The following SIPA1L3 variants were observed in gnomAD, a reference collection of about 807,000 sequenced individuals.
The protein encoded by SIPA1L3 is signal induced proliferation associated 1 like 3, also known as signal-induced proliferation-associated 1-like protein 3.
In SIPA1L3, 59 loss-of-function variants were observed where a neutral mutation model predicts 150.1. The observed-to-expected ratio is 0.39, with a 90% CI of 0.32 to 0.49. The LOEUF is 0.49. Among genes scored for constraint, SIPA1L3 ranks in the 20% least tolerant of loss-of-function variants. The probability of loss-of-function intolerance (pLI) is 0.86; values close to 1 mark genes in which losing one functional copy is unlikely to be tolerated. For synonymous variants in SIPA1L3, 1,070 were observed against 1,077.6 expected (o/e 0.99, Z 0.14); for missense variants, 2,211 against 2,489.5 (o/e 0.89, Z 2.38).
chr19:38,183,790 GGAGGTGCGGAGGCGGA>G (rs1041805773), intron 16 of SIPA1L3, among the ~76,000 whole-genome samples: 3 of 151,950 alleles, frequency 2.0e-5, no homozygotes, highest in Non-Finnish European at 2.9e-5. Flanking sequence ...GGGAAGGCGG[GGAGGTGCGGAGGCGGA>G]GAGGTGCGGA....
At chr19:38,100,526 A>G (rs1970477335) in intron 5 of SIPA1L3, among the ~76,000 whole-genome samples, 1 of 152,202 alleles carries the variant, frequency 6.6e-6, no homozygotes, top group African/African-American at 2.4e-5. Context: ...TGCAGACCCC[A>G]GCAGGCTGAC....
intron 2 of SIPA1L3, among the ~76,000 whole-genome samples, chr19:38,070,271 G>A (rs994349281): frequency 1.3e-5 from 2 of 151,662 alleles, no homozygotes; most frequent in Non-Finnish European, 2.9e-5. Flanking sequence ...GTGCAGTGGC[G>A]TGATCACAGC....
chr19:38,100,265 A>C (rs1970471868), intron 5 of SIPA1L3, 115 bp downstream of exon 5: 2 of 816,198 alleles, frequency 2.5e-6, no homozygotes, highest in Non-Finnish European at 3.6e-6. Flanking sequence ...ACAGAAACCT[A>C]CTTAAGCTGG....
chr19:38,112,343 A>C (rs1970783754), intron 8 of SIPA1L3, among the ~76,000 whole-genome samples: 1 of 152,176 alleles, frequency 6.6e-6, no homozygotes, highest in African/African-American at 2.4e-5. Flanking sequence ...AAAAGGAGGC[A>C]GCCTTCTTAT....
chr19:37,911,657 G>A (rs962208643), intron 1 of SIPA1L3, among the ~76,000 whole-genome samples: 6 of 151,412 alleles, frequency 4.0e-5, no homozygotes, highest in Non-Finnish European at 8.8e-5. Context: ...GACTACAGGC[G>A]CCCGCCACCA....
chr19:38,135,868 G>T (rs1321829613), intron 10 of SIPA1L3, among the ~76,000 whole-genome samples: 1 of 151,944 alleles, frequency 6.6e-6, no homozygotes, highest in Non-Finnish European at 1.5e-5. Context: ...ATGCAACCCT[G>T]GCTCAAATGT....
chr19:38,019,600 G>A (rs1018741900), intron 1 of SIPA1L3, among the ~76,000 whole-genome samples: 1 of 152,166 alleles, frequency 6.6e-6, no homozygotes, highest in Non-Finnish European at 1.5e-5. Flanking sequence ...AACTGGAGTT[G>A]ATACATTTCC....
rs1239708645 is a variant in SIPA1L3, at chr19:37,975,328, A to G, written c.-378-53761A>G. On this transcript the variant is annotated intron_variant, in intron 1 of 21. Transcript: ENST00000222345. ...AGGGCTTCCCGAGGAGGCACCGTGT[A>G]GGCCGAGCCTAGAGCTGAATGGTGG... Among the ~76,000 whole-genome samples the G allele has an allele frequency of 3.3e-5, 5 of 152,188 alleles. No homozygotes were observed. The East Asian group carries it at 9.7e-4, about 29-fold the overall frequency.
intron 1 of SIPA1L3, among the ~76,000 whole-genome samples, chr19:37,965,877 G>GT (rs2046899928): frequency 6.6e-6 from 1 of 152,132 alleles, no homozygotes; most frequent in Admixed American, 6.5e-5. Flanking sequence ...AGCGTTCTGT[G>GT]TTTGGGCATT....
intron 4 of SIPA1L3, among the ~76,000 whole-genome samples, chr19:38,092,176 G>A (rs1970274644): frequency 2.6e-5 from 4 of 151,964 alleles, no homozygotes; most frequent in African/African-American, 9.7e-5. Flanking sequence ...GAAGCCTGGA[G>A]TTCAAGACCA....
chr19:38,104,451 C>G (rs768418047), intron 6 of SIPA1L3, among the ~76,000 whole-genome samples: 2 of 152,202 alleles, frequency 1.3e-5, no homozygotes, highest in Non-Finnish European at 2.9e-5. Flanking sequence ...CCCTCTGTGC[C>G]GAGTGCTTCC....
chr19:38,199,802 G>A (rs1600207966), intron 19 of SIPA1L3: 1 of 152,182 alleles, frequency 6.6e-6, no homozygotes, highest in African/African-American at 2.4e-5. Flanking sequence ...AAGACTAAAG[G>A]AATTCTCATT....
At chr19:38,092,728 C>G (rs1568545993) in intron 4 of SIPA1L3, among the ~76,000 whole-genome samples, 1 of 152,132 alleles carries the variant, frequency 6.6e-6, no homozygotes, top group Non-Finnish European at 1.5e-5. Flanking sequence ...GCTCGTGAGA[C>G]TGGGTGTTTG....
chr19:38,027,943 C>T (rs1049717525), intron 1 of SIPA1L3, among the ~76,000 whole-genome samples: 1 of 151,976 alleles, frequency 6.6e-6, no homozygotes, highest in South Asian at 2.1e-4. Flanking sequence ...CTTGGGTGAT[C>T]GGGAGAGTGA....
chr19:37,987,174 C>T (rs1264661113), intron 1 of SIPA1L3, among the ~76,000 whole-genome samples: 3 of 152,070 alleles, frequency 2.0e-5, no homozygotes, highest in African/African-American at 7.2e-5. Flanking sequence ...GTGATCCACC[C>T]GCCTCAGCCT....
chr19:38,176,414 T>G (rs1223614834), intron 15 of SIPA1L3, among the ~76,000 whole-genome samples: 2 of 151,996 alleles, frequency 1.3e-5, no homozygotes, highest in African/African-American at 4.8e-5. Context: ...TTTTGTTTTT[T>G]TTGAGTGATG....
intron 4 of SIPA1L3, among the ~76,000 whole-genome samples, chr19:38,093,912 G>A (rs1303934986): frequency 6.6e-6 from 1 of 152,176 alleles, no homozygotes; most frequent in Non-Finnish European, 1.5e-5. Context: ...CCCTGTCTCA[G>A]GTCCCTTTGG....
chr19:38,001,608 G>A (rs555037685), intron 1 of SIPA1L3, among the ~76,000 whole-genome samples: 13 of 152,032 alleles, frequency 8.6e-5, no homozygotes, highest in East Asian at 7.7e-4. Flanking sequence ...TTTATTATTC[G>A]TAGAGACTGG....
chr19:38,202,548 A>G (rs1973112047), intron 20 of SIPA1L3, among the ~76,000 whole-genome samples: 1 of 152,160 alleles, frequency 6.6e-6, no homozygotes, highest in Admixed American at 6.5e-5. Flanking sequence ...AGATCGAGCC[A>G]CTGCACTCCA....
Sources: gnomAD v4.1 joint callset for allele counts (sites outside exome capture counted in the v4.1 genomes callset) on GRCh38, gnomAD v4.1.1 for gene constraint, MANE v1.5 for transcripts, NCBI Gene and HGNC (gene_info 2026-07-23, HGNC 2026-07-21) for gene names.